The following GPAT2 variants were observed in gnomAD, a reference collection of about 807,000 sequenced individuals.
GPAT2 encodes the protein glycerol-3-phosphate acyltransferase 2, mitochondrial.
In GPAT2, 51 loss-of-function variants were observed where a neutral mutation model predicts 71.0. The observed-to-expected ratio is 0.72, with a 90% CI of 0.57 to 0.91. GPAT2 has a LOEUF of 0.91. Ranked by LOEUF, GPAT2 falls within the 40% of genes least tolerant of loss-of-function variation. The probability of loss-of-function intolerance (pLI) is 0.00; values close to 1 mark genes in which losing one functional copy is unlikely to be tolerated. For missense variants in GPAT2, 511 were observed against 666.0 expected, an observed-to-expected ratio of 0.77 and a Z score of 2.56; for synonymous variants, 222 against 290.3, an observed-to-expected ratio of 0.76 and a Z score of 2.39.
chr2:96,022,028 G>C lies in GPAT2; in HGVS notation c.*131C>G. 1.4e-6 allele frequency: 2 copies of C among 1,468,978 alleles called. No individual in the cohort carries two copies. The highest frequency in any genetic ancestry group is 1.8e-6 in the Non-Finnish European group (2 of 1,106,978). The allele number at this position is 1,468,978 out of a possible 1,614,324, so 91.0% of individuals were successfully genotyped here. ...AAGGGAAAAAGCAAGAGATGGCAAGGGACAATCAAGCCTCAATGATTATAT... is the reference window on the plus strand; with the variant it reads ...AAGGGAAAAAGCAAGAGATGGCAAGCGACAATCAAGCCTCAATGATTATAT... On this transcript the variant is annotated 3_prime_UTR_variant, in exon 22 of 22. Transcript: ENST00000434632.
chr2:96,025,428 CGA>C (rs1491417137), intron 13 of GPAT2, 55 bp downstream of exon 13: 22 of 1,546,908 alleles, frequency 1.4e-5, no homozygotes, highest in Middle Eastern at 2.0e-4. Flanking sequence ...TGGCTGACCC[CGA>C]GAGGGGACGG....
At chr2:96,022,909 A>G in intron 20 of GPAT2, 49 bp downstream of exon 20, 8 of 1,613,336 alleles carry the variant, frequency 5.0e-6, no homozygotes, top group Non-Finnish European at 6.8e-6. Context: ...AGCAGCCACC[A>G]GCAAACACCA....
At chr2:96,034,116 G>T (rs1680881828) in intron 1 of GPAT2, among the ~76,000 whole-genome samples, 2 of 133,850 alleles carry the variant, frequency 1.5e-5, no homozygotes, top group South Asian at 4.9e-4. Flanking sequence ...ACACTTCTTT[G>T]ACTACACAAC....
Position 96,023,438 on chromosome 2 carries a change from G to T in GPAT2, c.1917C>A (p.Thr639=), listed in dbSNP as rs577560612. The T allele has an allele frequency of 3.7e-6, 6 of 1,613,938 alleles. No individual in the cohort carries two copies. The South Asian group carries it at 4.4e-5, about 12-fold the overall frequency. Reference sequence around the variant, plus strand: ...TGTCACAGGCTGGCCGGGAGCCTGGGGTCTAGGGGCCGTGGAGCCATTGTT... The same window carrying T: ...TGTCACAGGCTGGCCGGGAGCCTGGTGTCTAGGGGCCGTGGAGCCATTGTT... ...IQCGLLVAEE[T]PGSRPACDTG... The change falls in exon 18 of 22, where the codon ACC becomes ACA. Residue 639 remains threonine, a splice_region_variant and synonymous_variant. Coordinates refer to ENST00000434632, the MANE Select transcript of GPAT2 (RefSeq NM_001321527.2).
intron 13 of GPAT2, 85 bp downstream of exon 13, chr2:96,025,395 TTGGAA>T: frequency 6.8e-7 from 1 of 1,479,096 alleles, no homozygotes; most frequent in South Asian, 1.4e-5. Context: ...GTGCAGACAC[TTGGAA>T]TGGAGAACCC....
Position 96,026,294 on chromosome 2 carries a change from G to A in GPAT2, c.1044C>T (p.Pro348=). The A allele has an allele frequency of 6.5e-7, 1 of 1,550,046 alleles. No individual in the cohort carries two copies. Among genetic ancestry groups the A allele is most frequent in the Non-Finnish European group, 8.7e-7 (1 of 1,152,448 alleles). Residue 348 remains proline, a synonymous_variant, in exon 11 of 22, where the codon CCC becomes CCT. Coordinates refer to ENST00000434632, the MANE Select transcript of GPAT2 (RefSeq NM_001321527.2). The part of the protein sequence containing the change: ...APCDIDHASA[P]LGLWTGALAV... ...CCAGAGCTCCTGTCCACAGCCCCAG[G>A]GGGGCCGAGGCCTGCAAGGAGGGAA...
chr2:96,022,659 T>A lies in GPAT2; in HGVS notation c.2289+9A>T. 6.2e-7 allele frequency: 1 copy of A among 1,613,430 alleles called. No individual in the cohort carries two copies. The highest frequency in any genetic ancestry group is 8.5e-7 in the Non-Finnish European group (1 of 1,179,396). ...GGGGACAGAAGATGGTGACAGTGGC[T>A]CCTCTCACCCCTAGGTCTCTGAAGG... On this transcript the variant is annotated intron_variant, in intron 21 of 21. Transcript: ENST00000434632.
intron 17 of GPAT2, 62 bp from the exon 18 acceptor site, chr2:96,023,502 G>C (rs1297509695): frequency 7.0e-6 from 11 of 1,569,178 alleles, no homozygotes; most frequent in Non-Finnish European, 9.6e-6. Flanking sequence ...TACACCCCCA[G>C]ACCAGGTACA....
At position 96,024,703 on chromosome 2, in the gene GPAT2, G is replaced by A. The variant is rs1349254529; in HGVS notation, c.1429-18C>T. ...AACACACCCTGGGTGGGCAGAGCAG[G>A]GCTAGGCAGCAGGGCCACACATCGC... On this transcript the variant is annotated intron_variant, in intron 14 of 21. Transcript: ENST00000434632. 2 of 1,613,706 alleles carry A rather than the reference G, an allele frequency of 1.2e-6. No homozygotes were observed. Among genetic ancestry groups the A allele is most frequent in the Non-Finnish European group, 1.7e-6 (2 of 1,179,908 alleles).
intron 11 of GPAT2, 77 bp downstream of exon 11, chr2:96,026,106 G>A: frequency 6.3e-7 from 1 of 1,576,664 alleles, no homozygotes; most frequent in Non-Finnish European, 8.7e-7. Flanking sequence ...CCCTGCAGTG[G>A]CTTTGAGGGC....
At chr2:96,022,589 G>C (rs1679801787) in intron 21 of GPAT2, 79 bp downstream of exon 21, 5 of 1,412,952 alleles carry the variant, frequency 3.5e-6, no homozygotes, top group Non-Finnish European at 5.0e-6. Flanking sequence ...GAGTGATGGG[G>C]ACATAGCTGG....
rs747666010 is a variant in GPAT2 at position 96,025,964 on chromosome 2, C to T, written c.1204G>A (p.Glu402Lys). ...RSCWGGRQTL[E>K]QLLQPIVLGQ... is the part of the protein sequence containing the mutation. ...AGCACGATGGGCTGCAGTAGCTGCT[C>T]CAGGGTCTGTCTGCCGCCCCAGCAG... Residue 402 changes from glutamate (E) to lysine (K), a missense_variant, in exon 12 of 22, where the codon GAG (glutamate) becomes AAG (lysine). By Grantham distance (56) the Glu-to-Lys change is moderately conservative. This residue lies in a region of GPAT2 where 79 missense variants were observed against 111.4 expected (regional missense o/e 0.71). Coordinates refer to ENST00000434632, the MANE Select transcript of GPAT2 (RefSeq NM_001321527.2). 9.3e-6 allele frequency: 15 copies of T among 1,612,620 alleles called. No homozygotes were observed. The highest frequency in any genetic ancestry group is 6.7e-5 in the Admixed American group (4 of 60,016).
In GPAT2 at chr2:96,023,324, G is replaced by C. The variant is rs758198594; in HGVS notation, c.2031C>G (p.Asp677Glu). Residue 677 changes from aspartate to glutamate, a missense_variant, in exon 18 of 22, where the codon GAC (aspartate) becomes GAG (glutamate). By Grantham distance (45) the Asp-to-Glu change is conservative. Coordinates refer to ENST00000434632, the MANE Select transcript of GPAT2 (RefSeq NM_001321527.2). ...TGAAACACACCCTGAAGTACCGGCC[G>C]TCAGCCTCTCCGAAGTCATCACTGT... ...DSDSDDFGEA[D>E]GRYFRLSQQS... 2 of 1,614,040 alleles carry C rather than the reference G, an allele frequency of 1.2e-6. No homozygotes were observed. The highest frequency in any genetic ancestry group is 2.7e-5 in the African/African-American group (2 of 74,940).
rs549745122 is a variant in GPAT2 at position 96,022,245 on chromosome 2, G to C, written c.2320C>G (p.Pro774Ala). The C allele has an allele frequency of 2.8e-5, 45 of 1,606,370 alleles. No homozygotes were observed. In the African/African-American group the frequency reaches 5.1e-4, roughly 18 times the overall value. The change falls in exon 22 of 22, where the codon CCC (proline) becomes GCC (alanine). Residue 774 changes from proline to alanine, a missense_variant. Pro to Ala is a conservative substitution (Grantham distance 27, BLOSUM62 -1). Around this residue, in one of 7 missense-constraint regions of GPAT2, gnomAD observed 108 missense variants for 117.6 expected, o/e 0.92. Transcript: ENST00000434632. ...AAAGTAGGGGACAGGTGGAGCCTGG[G>C]GCCTGCAGGGCTCGGCGTCTGCTGC... Reference protein sequence around the residue: ...VLQQTPSPAGPRLHLSPTFAS... With the variant: ...VLQQTPSPAGARLHLSPTFAS...
Position 96,024,497 on chromosome 2 carries a change from G to T in GPAT2, c.1617C>A (p.Gly539=). The stretch of plus-strand genomic sequence containing the variant: ...GTTGTGCCAGGTGTGTGAGGCCTGG[G>T]CCAGGCTGCGGCACCACCAGCAAGT... ...QGDLLVVPQP[G]PGLTHLAQLS... The change falls in exon 15 of 22, where the codon GGC becomes GGA. Residue 539 remains glycine, a synonymous_variant. Coordinates refer to ENST00000434632, the MANE Select transcript of GPAT2 (RefSeq NM_001321527.2). The T allele has an allele frequency of 1.2e-6, 2 of 1,613,948 alleles. No individual in the cohort carries two copies. The highest frequency in any genetic ancestry group is 1.7e-6 in the Non-Finnish European group (2 of 1,179,958).
rs1285537425 is a variant in GPAT2, at chr2:96,024,000, G to C, written c.1837C>G (p.Pro613Ala). 72 of 1,590,754 alleles carry C rather than the reference G, an allele frequency of 4.5e-5. No individual in the cohort carries two copies. Among genetic ancestry groups the C allele is most frequent in the Non-Finnish European group, 6.1e-5 (71 of 1,168,798 alleles). The change falls in exon 17 of 22, where the codon CCC becomes GCC. Residue 613 changes from proline (P) to alanine (A), a missense_variant and splice_region_variant. By Grantham distance (27) the Pro-to-Ala change is conservative. Around this residue, in one of 7 missense-constraint regions of GPAT2, gnomAD observed 295 missense variants for 305.5 expected, o/e 0.97. Coordinates refer to ENST00000434632, the MANE Select transcript of GPAT2 (RefSeq NM_001321527.2). Reference sequence around the variant, plus strand: ...CAGTAGCAGTAGGAAGACTGGCAGGGCTGGGAGAAAAAGGCACCCATGTGG... The same window carrying C: ...CAGTAGCAGTAGGAAGACTGGCAGGCCTGGGAGAAAAAGGCACCCATGTGG... ...LLPQDLLLLKPCQSSYCYCQE... is the reference protein window; with the variant it reads ...LLPQDLLLLKACQSSYCYCQE...
rs1243432696 is a variant in GPAT2 at position 96,033,798 on chromosome 2, C to G, written c.-61+1055G>C. On this transcript the variant is annotated intron_variant, in intron 1 of 21. Coordinates refer to ENST00000434632, the MANE Select transcript of GPAT2 (RefSeq NM_001321527.2). ...TCTGTCCCCTAGCTGCAGACCACCC[C>G]CAACCCCCAAATCTAACCCCATTAG... Among the ~76,000 whole-genome samples, 47 of 124,124 alleles carry G rather than the reference C, an allele frequency of 3.8e-4. No individual in the cohort carries two copies. The East Asian group carries it at 0.011, about 30-fold the overall frequency. The allele number at this position is 124,124 out of a possible 152,430, so 81.4% of individuals were successfully genotyped here. A position where few individuals can be genotyped will look rare whatever the true frequency, so the allele number is the denominator to read the frequency against.
intron 1 of GPAT2, among the ~76,000 whole-genome samples, chr2:96,034,027 T>C (rs1190976779): frequency 1.3e-5 from 2 of 151,568 alleles, no homozygotes; most frequent in Non-Finnish European, 2.9e-5. Context: ...CACACATATA[T>C]ACATATATAA....
At position 96,022,720 on chromosome 2, in the gene GPAT2, C is replaced by A. The variant is rs774115244; in HGVS notation, c.2237G>T (p.Cys746Phe). The A allele has an allele frequency of 8.1e-6, 13 of 1,613,846 alleles. No homozygotes were observed. In the South Asian group the frequency reaches 1.4e-4, roughly 18 times the overall value. Residue 746 changes from cysteine to phenylalanine, a missense_variant, in exon 21 of 22, where the codon TGT (cysteine) becomes TTT (phenylalanine). By Grantham distance (205) the Cys-to-Phe change is radical. Coordinates refer to ENST00000434632, the MANE Select transcript of GPAT2 (RefSeq NM_001321527.2). ...ATAQEEGIFECADPKLAISAV... is the reference protein window; with the variant it reads ...ATAQEEGIFEFADPKLAISAV... ...ACTGATGGCGAGCTTTGGGTCCGCACACTCTGGAAAGAAGAGAGAAGTGAA... is the reference window on the plus strand; with the variant it reads ...ACTGATGGCGAGCTTTGGGTCCGCAAACTCTGGAAAGAAGAGAGAAGTGAA...
Sources: gnomAD v4.1 joint callset for allele counts (sites outside exome capture counted in the v4.1 genomes callset) on GRCh38, gnomAD v4.1.1 for gene constraint, gnomAD v4.1.1 regional missense constraint, MANE v1.5 for transcripts, NCBI Gene and HGNC (gene_info 2026-07-23, HGNC 2026-07-21) for gene names.